CACNA1I: variants seen among roughly 807,000 people sequenced by gnomAD.
CACNA1I encodes voltage-dependent T-type calcium channel subunit alpha-1I.
Under a neutral mutation model 201.6 loss-of-function variants are expected in CACNA1I, and 74 were observed. The ratio of observed to expected loss-of-function variants is 0.37; its 90% CI spans 0.30 to 0.45. CACNA1I has a LOEUF of 0.45. CACNA1I is among the 20% of genes least tolerant of loss of function. The pLI is 1.00. For missense variants in CACNA1I, 2,346 were observed against 3,138.1 expected, an observed-to-expected ratio of 0.75 and a Z score of 6.03; for synonymous variants, 1,431 against 1,345.2, an observed-to-expected ratio of 1.06 and a Z score of -1.40.
At chr22:39,593,711 C>A (rs567863548) in intron 1 of CACNA1I, among the ~76,000 whole-genome samples, 1 of 152,146 alleles carries the variant, frequency 6.6e-6, no homozygotes, top group African/African-American at 2.4e-5. Context: ...GGCAGATTAG[C>A]CTGGCAGTGG....
At chr22:39,597,368 G>T (rs879692646) in intron 1 of CACNA1I, among the ~76,000 whole-genome samples, 54 of 152,204 alleles carry the variant, frequency 3.5e-4, no homozygotes, top group African/African-American at 1.2e-3. Context: ...GGGAGGGAGG[G>T]AGGAGGGCAT....
At chr22:39,592,259 G>A (rs979110844) in intron 1 of CACNA1I, among the ~76,000 whole-genome samples, 29 of 152,210 alleles carry the variant, frequency 1.9e-4, no homozygotes, top group African/African-American at 6.0e-4. Context: ...AGGGCTGCCC[G>A]TCAGGGATCT....
intron 5 of CACNA1I, 27 bp from the exon 6 acceptor site, chr22:39,640,840 C>T: frequency 6.3e-7 from 1 of 1,580,500 alleles, no homozygotes; most frequent in Non-Finnish European, 8.6e-7. Context: ...CCCTTTCCCT[C>T]TTTTACCCAC....
Position 39,670,294 on chromosome 22 carries a change from C to T in CACNA1I, c.4387+64C>T, listed in dbSNP as rs555996382. The T allele has an allele frequency of 7.2e-5, 110 of 1,521,796 alleles. No homozygotes were observed. The African/African-American group carries it at 1.2e-3, about 17-fold the overall frequency. The allele number at this position is 1,521,796 out of a possible 1,614,324, so 94.3% of individuals were successfully genotyped here. A position where few individuals can be genotyped will look rare whatever the true frequency, so the allele number is the denominator to read the frequency against. ...CTAAGCCCTTCTGCCTGGGCCTGAC[C>T]CCAGCCTCCTGAGCCTTTGGAGCTG... On this transcript the variant is annotated intron_variant, in intron 25 of 36. Transcript: ENST00000402142.
In CACNA1I at chr22:39,684,342, C is replaced by A. The variant is rs758903114; in HGVS notation, c.5871C>A (p.Leu1957=). 1.1e-5 allele frequency: 18 copies of A among 1,613,452 alleles called. No individual in the cohort carries two copies. Among genetic ancestry groups the A allele is most frequent in the Admixed American group, 3.3e-5 (2 of 59,994 alleles). The change falls in exon 36 of 37, where the codon CTC becomes CTA. Residue 1957 remains leucine, a synonymous_variant. Transcript: ENST00000402142. This position sits in a 1 kb window ranked among gnomAD's most constrained non-coding sequence, Gnocchi z 4.6. The part of the protein sequence containing the change: ...SPFSPDASSP[L]LPMPAEFFHP... ...TCTCCCCGGATGCCTCCAGCCCTCT[C>A]CTGCCCATGCCAGCCGAGTTCTTCC...
chr22:39,643,101 C>T (rs1934390537), intron 7 of CACNA1I, among the ~76,000 whole-genome samples: 1 of 152,182 alleles, frequency 6.6e-6, no homozygotes, highest in African/African-American at 2.4e-5. Context: ...CCAACACCTT[C>T]GATTGCTGTC....
chr22:39,656,795 A>G (rs937566915), intron 10 of CACNA1I: 23 of 518,588 alleles, frequency 4.4e-5, no homozygotes, highest in Non-Finnish European at 6.9e-5. Context: ...TCCCCCTCCC[A>G]GTTTCCCTAG....
At chr22:39,660,167 T>G (rs914520856) in intron 14 of CACNA1I, among the ~76,000 whole-genome samples, 177 bp from the exon 15 acceptor site, 1 of 152,182 alleles carries the variant, frequency 6.6e-6, no homozygotes, top group Non-Finnish European at 1.5e-5. Context: ...ATACTTGCAG[T>G]CAGGCAGATG....
chr22:39,582,974 A>G (rs1191082946), intron 1 of CACNA1I, among the ~76,000 whole-genome samples: 2 of 149,452 alleles, frequency 1.3e-5, no homozygotes, highest in Non-Finnish European at 3.0e-5. Flanking sequence ...CAATCCATCC[A>G]TCCCTCCATC....
intron 10 of CACNA1I, among the ~76,000 whole-genome samples, chr22:39,653,070 TGTGGGTGC>T (rs1192428926): frequency 5.3e-5 from 7 of 133,088 alleles, no homozygotes; most frequent in African/African-American, 2.4e-4. Context: ...CTGACTGCAT[TGTGGGTGC>T]ACGGAGCCCC....
chr22:39,605,348 C>T (rs1329782987), intron 3 of CACNA1I, among the ~76,000 whole-genome samples: 1 of 152,196 alleles, frequency 6.6e-6, no homozygotes, highest in Non-Finnish European at 1.5e-5. Flanking sequence ...CAGGCTGCCC[C>T]TGCAGGGAGC....
chr22:39,649,890 A>G lies in CACNA1I; in HGVS notation c.1957A>G (p.Asn653Asp). 1 of 1,613,376 alleles carries G rather than the reference A, an allele frequency of 6.2e-7. No individual in the cohort carries two copies. The highest frequency in any genetic ancestry group is 8.5e-7 in the Non-Finnish European group (1 of 1,179,696). ...GGGCATCATGATGGCCATCCTGGTC[A>G]ACACCGTCAGCATGGGCATCGAGCA... is the stretch of plus-strand genomic sequence containing the variant. ...NRGIMMAILV[N>D]TVSMGIEHHE... The change falls in exon 10 of 37, where the codon AAC (asparagine) becomes GAC (aspartate). Residue 653 changes from asparagine (N) to aspartate (D), a missense_variant. Coordinates refer to ENST00000402142, the MANE Select transcript of CACNA1I (RefSeq NM_021096.4). This position sits in a 1 kb window ranked among gnomAD's most constrained non-coding sequence, Gnocchi z 7.3.
At chr22:39,661,829 C>T in intron 16 of CACNA1I, 136 bp from the exon 17 acceptor site, 1 of 581,720 alleles carries the variant, frequency 1.7e-6, no homozygotes, top group Non-Finnish European at 3.0e-6. Context: ...GCTCTAGGGT[C>T]AAGCCCATTC....
At chr22:39,623,265 G>A (rs1166904215) in intron 4 of CACNA1I, among the ~76,000 whole-genome samples, 2 of 152,056 alleles carry the variant, frequency 1.3e-5, no homozygotes, top group Non-Finnish European at 2.9e-5. Flanking sequence ...GTGCAATGAA[G>A]GGTGTGCACA....
In CACNA1I at chr22:39,648,004, C is replaced by T. The variant is rs907403693; in HGVS notation, c.1567+78C>T. The T allele has an allele frequency of 4.3e-5, 56 of 1,311,734 alleles. No homozygotes were observed. In the East Asian group the frequency reaches 9.4e-4, roughly 22 times the overall value. The allele number at this position is 1,311,734 out of a possible 1,614,324, so 81.3% of individuals were successfully genotyped here. On this transcript the variant is annotated intron_variant, in intron 9 of 36. Coordinates refer to ENST00000402142, the MANE Select transcript of CACNA1I (RefSeq NM_021096.4). The surrounding 1 kb of genome is among the most constrained non-coding windows in gnomAD (Gnocchi z 5.4). ...TCCCAGTTGGTGCTGAGAAGGAAGTCGGCAGGCATGGGGACGGCGCTTGAG... is the reference window on the plus strand; with the variant it reads ...TCCCAGTTGGTGCTGAGAAGGAAGTTGGCAGGCATGGGGACGGCGCTTGAG...
intron 3 of CACNA1I, among the ~76,000 whole-genome samples, chr22:39,608,911 C>T (rs1933302673): frequency 6.6e-6 from 1 of 152,120 alleles, no homozygotes. Context: ...CTGACTCTTA[C>T]AGACTCTTGG....
intron 3 of CACNA1I, among the ~76,000 whole-genome samples, chr22:39,604,088 G>A (rs1045083410): frequency 6.6e-5 from 10 of 152,094 alleles, no homozygotes; most frequent in Admixed American, 3.3e-4. Flanking sequence ...TCCTTTTGCC[G>A]TATTTCCAAG....
chr22:39,614,480 A>G (rs1933473280), intron 3 of CACNA1I, among the ~76,000 whole-genome samples: 1 of 152,196 alleles, frequency 6.6e-6, no homozygotes, highest in Admixed American at 6.5e-5. Context: ...TGTGTTGGCA[A>G]AATTCTCAGG....
chr22:39,667,930 C>A (rs778879509), intron 23 of CACNA1I, among the ~76,000 whole-genome samples: 1 of 152,162 alleles, frequency 6.6e-6, no homozygotes, highest in Non-Finnish European at 1.5e-5. Flanking sequence ...TCAGCTGGCC[C>A]TCCCAGCACA....
Sources: allele counts gnomAD v4.1 joint callset (sites outside exome capture counted in the v4.1 genomes callset), GRCh38; gene constraint gnomAD v4.1.1; non-coding constraint Gnocchi (gnomAD v3.1); transcripts MANE v1.5; gene names NCBI Gene and HGNC (gene_info 2026-07-23, HGNC 2026-07-21).